The following KCNIP4 variants were observed in gnomAD, a reference collection of about 807,000 sequenced individuals.
The protein encoded by KCNIP4 is Kv channel-interacting protein 4.
Under a neutral mutation model 34.0 loss-of-function variants are expected in KCNIP4, and 12 were observed. The ratio of observed to expected loss-of-function variants is 0.35; its 90% confidence interval spans 0.23 to 0.57. The LOEUF (loss-of-function observed/expected upper bound fraction) is 0.57, where lower values mean the gene tolerates loss of function less well. Ranked by LOEUF, KCNIP4 falls within the 20% of genes least tolerant of loss-of-function variation. The pLI, the probability that KCNIP4 is intolerant of heterozygous loss-of-function variation, is 0.83. For synonymous variants in KCNIP4, 124 were observed against 102.2 expected, an observed-to-expected ratio of 1.21 and a Z score of -1.29; for missense variants, 238 against 311.7, an observed-to-expected ratio of 0.76 and a Z score of 1.78.
chr4:21,633,897 A>G (rs1037988964), intron 1 of KCNIP4, among the ~76,000 whole-genome samples: 1 of 152,092 alleles, frequency 6.6e-6, no homozygotes, highest in African/African-American at 2.4e-5. Flanking sequence ...ACATTTTTGC[A>G]AATACCTTTA....
chr4:21,835,343 A>C (rs1295721746), intron 1 of KCNIP4, among the ~76,000 whole-genome samples: 1 of 152,146 alleles, frequency 6.6e-6, no homozygotes, highest in Non-Finnish European at 1.5e-5. Flanking sequence ...AGAAAATTTT[A>C]AATAGTCTAT....
chr4:21,247,734 G>GTATATATATATATATA (rs1577958247), intron 1 of KCNIP4, among the ~76,000 whole-genome samples: 2 of 46,346 alleles, frequency 4.3e-5, no homozygotes, highest in African/African-American at 2.9e-4. Flanking sequence ...ATCCACAGGT[G>GTATATATATATATATA]GATATATATA....
intron 1 of KCNIP4, among the ~76,000 whole-genome samples, chr4:21,488,922 G>A (rs1732139099): frequency 6.6e-6 from 1 of 152,018 alleles, no homozygotes; most frequent in South Asian, 2.1e-4. Flanking sequence ...TTCACCTCAG[G>A]GATTTTACAG....
intron 1 of KCNIP4, among the ~76,000 whole-genome samples, chr4:21,462,829 A>G (rs956599557): frequency 4.0e-5 from 6 of 150,608 alleles, no homozygotes; most frequent in African/African-American, 7.3e-5. Context: ...GTGTGTTTGT[A>G]TACCATATAT....
At chr4:20,831,784 C>T (rs934006207) in intron 3 of KCNIP4, among the ~76,000 whole-genome samples, 38 of 152,186 alleles carry the variant, frequency 2.5e-4, no homozygotes, top group African/African-American at 9.2e-4. Flanking sequence ...TTAGCATTTG[C>T]TTCATTGCAC....
intron 1 of KCNIP4, among the ~76,000 whole-genome samples, chr4:21,098,465 T>A (rs956302064): frequency 6.6e-6 from 1 of 152,190 alleles, no homozygotes; most frequent in African/African-American, 2.4e-5. Context: ...TTGAAGCCGA[T>A]ACTCATTTAC....
intron 1 of KCNIP4, among the ~76,000 whole-genome samples, chr4:21,773,744 TG>T (rs376751703): frequency 9.6e-5 from 9 of 94,074 alleles, no homozygotes; most frequent in East Asian, 7.0e-4. Context: ...TTTTTTTTGT[TG>T]TTTTTTTTTT....
intron 1 of KCNIP4, among the ~76,000 whole-genome samples, chr4:21,373,321 C>A (rs1019586229): frequency 2.1e-5 from 3 of 145,360 alleles, no homozygotes; most frequent in Non-Finnish European, 4.4e-5. Context: ...TCTGTCTCAA[C>A]AAAAGAATAT....
intron 1 of KCNIP4, among the ~76,000 whole-genome samples, chr4:21,620,463 G>A (rs976197850): frequency 2.6e-5 from 4 of 152,056 alleles, no homozygotes; most frequent in Non-Finnish European, 5.9e-5. Context: ...GATCACTCCT[G>A]TCTGGGTAAT....
chr4:21,211,769 A>T (rs1364837), intron 1 of KCNIP4, among the ~76,000 whole-genome samples: 77,377 of 151,774 alleles, frequency 0.51, 21,810 homozygotes, highest in African/African-American at 0.77. Context: ...TAGGGACACA[A>T]TTATATCCGG....
rs528911142 is a variant in KCNIP4, at chr4:21,682,180, A to G, written c.61+266391T>C. The stretch of plus-strand genomic sequence containing the variant: ...AGCGCTGAGATTACCTGCGTGAGCC[A>G]CCACGCCCAGCCAATGCCATACACT... On this transcript the variant is annotated intron_variant, in intron 1 of 8. Coordinates refer to ENST00000382152, the MANE Select transcript of KCNIP4 (RefSeq NM_025221.6). Among the ~76,000 whole-genome samples the G allele has an allele frequency of 9.3e-4, 141 of 152,282 alleles. 4 individuals are homozygous for G. In the South Asian group the frequency reaches 0.022, roughly 23 times the overall value.
intron 1 of KCNIP4, among the ~76,000 whole-genome samples, chr4:21,679,920 C>T (rs1485862020): frequency 6.6e-6 from 1 of 152,140 alleles, no homozygotes; most frequent in Non-Finnish European, 1.5e-5. Context: ...ATTTTTTGCT[C>T]ATGGAGGGTC....
chr4:21,536,826 T>C (rs1296449118), intron 1 of KCNIP4, among the ~76,000 whole-genome samples: 2 of 152,052 alleles, frequency 1.3e-5, no homozygotes, highest in Non-Finnish European at 2.9e-5. Flanking sequence ...TTATTATCTC[T>C]ATATTAAAAA....
chr4:20,771,188 G>T (rs1277480413), intron 3 of KCNIP4, among the ~76,000 whole-genome samples: 1 of 151,830 alleles, frequency 6.6e-6, no homozygotes, highest in Non-Finnish European at 1.5e-5. Context: ...TGGAGATGAT[G>T]GTATACACAT....
intron 3 of KCNIP4, among the ~76,000 whole-genome samples, chr4:20,800,450 C>A (rs895651722): frequency 3.9e-5 from 6 of 152,148 alleles, no homozygotes; most frequent in African/African-American, 1.2e-4. Context: ...TGGAAATTTA[C>A]AAATTGCCTG....
intron 1 of KCNIP4, among the ~76,000 whole-genome samples, chr4:21,290,643 CA>C (rs1169467424): frequency 1.3e-5 from 2 of 152,132 alleles, no homozygotes; most frequent in African/African-American, 2.4e-5. Flanking sequence ...AATTTATCAA[CA>C]TGCAAATGAA....
At chr4:20,810,764 T>G (rs181037729) in intron 3 of KCNIP4, among the ~76,000 whole-genome samples, 1 of 152,316 alleles carries the variant, frequency 6.6e-6, no homozygotes, top group East Asian at 1.9e-4. Flanking sequence ...AATAGCAAAT[T>G]TTTAAGTGTA....
At chr4:21,435,922 G>A (rs55680855) in intron 1 of KCNIP4, among the ~76,000 whole-genome samples, 7,091 of 152,136 alleles carry the variant, frequency 0.047, 230 homozygotes, top group African/African-American at 0.091. Context: ...GCAAATGAGC[G>A]TTGGATAGAA....
intron 1 of KCNIP4, among the ~76,000 whole-genome samples, chr4:21,483,376 C>G (rs1414434872): frequency 6.6e-6 from 1 of 151,910 alleles, no homozygotes; most frequent in East Asian, 1.9e-4. Context: ...AAATGTAGTC[C>G]CTGATGCTAC....
Sources: allele counts gnomAD v4.1 joint callset (sites outside exome capture counted in the v4.1 genomes callset), GRCh38; gene constraint gnomAD v4.1.1; transcripts MANE v1.5; gene names NCBI Gene and HGNC (gene_info 2026-07-23, HGNC 2026-07-21).